Variants in SLC25A18 observed in about 807,000 individuals in gnomAD.
The protein encoded by SLC25A18 is solute carrier family 25 member 18.
SLC25A18 carries 24 observed loss-of-function variants against 31.1 expected under a neutral mutation model. The observed-to-expected ratio is 0.77, with a 90% CI of 0.56 to 1.08. SLC25A18 has a LOEUF of 1.08. SLC25A18 is among the 50% of genes least tolerant of loss of function. The pLI is 0.00. For synonymous variants in SLC25A18, 173 were observed against 161.9 expected, an observed-to-expected ratio of 1.07 and a Z score of -0.52; for missense variants, 371 against 418.5, an observed-to-expected ratio of 0.89 and a Z score of 0.99.
intron 2 of SLC25A18, among the ~76,000 whole-genome samples, chr22:17,574,580 C>T (rs913175807): frequency 4.2e-5 from 6 of 142,224 alleles, no homozygotes; most frequent in African/African-American, 8.2e-5. Context: ...GCAATGGCGT[C>T]GTTTCGGCTC....
Position 17,581,063 on chromosome 22 carries a change from G to A in SLC25A18, c.47G>A (p.Gly16Asp). 2.6e-6 allele frequency: 4 copies of A among 1,556,094 alleles called. No individual in the cohort carries two copies. The highest frequency in any genetic ancestry group is 2.0e-5 in the Admixed American group (1 of 51,112). Residue 16 changes from glycine to aspartate, a missense_variant, in exon 4 of 11, where the codon GGT (glycine) becomes GAT (aspartate). Coordinates refer to ENST00000327451, the MANE Select transcript of SLC25A18 (RefSeq NM_031481.3). Reference sequence around the variant, plus strand: ...ATCACAGCCAAACTCATCAATGGAGGTGTAGCAGGGCTCGTGGGGGTGACC... The same window carrying A: ...ATCACAGCCAAACTCATCAATGGAGATGTAGCAGGGCTCGTGGGGGTGACC... ...LSITAKLING[G>D]VAGLVGVTCV...
rs377051118 is a variant in SLC25A18 at position 17,581,017 on chromosome 22, C to T, written c.21-20C>T. The T allele has an allele frequency of 2.6e-6, 4 of 1,535,964 alleles. No individual in the cohort carries two copies. Among genetic ancestry groups the T allele is most frequent in the African/African-American group, 2.7e-5 (2 of 72,916 alleles). ...CCCTCCCTCTGCCTCTCTCCTCCCC[C>T]TGTCCTCCCCCTGTCCTAGCATCAC... is the stretch of plus-strand genomic sequence containing the variant. On this transcript the variant is annotated intron_variant, in intron 3 of 10. Transcript: ENST00000327451.
chr22:17,583,306 G>C (rs2057431545), intron 6 of SLC25A18, 110 bp from the exon 7 acceptor site: 3 of 1,390,424 alleles, frequency 2.2e-6, no homozygotes, highest in Non-Finnish European at 2.0e-6. Context: ...AGCTGGGTGA[G>C]TGGCAGCCAC....
At chr22:17,569,797 GTGCAGTGTGCGGTGAGAGTCTGGAACCC>G in intron 1 of SLC25A18, 99 bp from the exon 2 acceptor site, 4 of 985,448 alleles carry the variant, frequency 4.1e-6, no homozygotes, top group Non-Finnish European at 4.8e-6. Flanking sequence ...CTATTTGAAG[GTGCAGTGTGCGGTGAGAGTCTGGAACCC>G]TGCAGTGGTG....
At chr22:17,587,740 G>A (rs1418320164) in intron 8 of SLC25A18, 185 bp from the exon 9 acceptor site, 5 of 678,676 alleles carry the variant, frequency 7.4e-6, no homozygotes, top group Non-Finnish European at 1.2e-5. Flanking sequence ...CGGCGGAACA[G>A]ATGGCAACAG....
chr22:17,567,172 T>C (rs576134060), intron 1 of SLC25A18, among the ~76,000 whole-genome samples: 5 of 152,262 alleles, frequency 3.3e-5, no homozygotes, highest in African/African-American at 1.2e-4. Flanking sequence ...AAAAATAATG[T>C]ATATTTTACA....
At chr22:17,581,467 C>G (rs2057372214) in intron 5 of SLC25A18, 54 bp downstream of exon 5, 1 of 1,591,616 alleles carries the variant, frequency 6.3e-7, no homozygotes, top group Admixed American at 1.7e-5. Flanking sequence ...GCGTATGGGA[C>G]ATGGGGAACT....
At chr22:17,578,001 G>T (rs2057277886) in intron 2 of SLC25A18, among the ~76,000 whole-genome samples, 1 of 146,510 alleles carries the variant, frequency 6.8e-6, no homozygotes, top group African/African-American at 2.5e-5. Flanking sequence ...TCTTCTTTGG[G>T]GGGCATAGGG....
chr22:17,590,346 C>A lies in SLC25A18; in HGVS notation c.*110C>A. On this transcript the variant is annotated 3_prime_UTR_variant, in exon 11 of 11. Transcript: ENST00000327451. ...CCACTCTGGCCTGCCTGGTCCTCTG[C>A]GTTGTAGTGCTACCTCAATCTCGGG... The A allele has an allele frequency of 7.7e-7, 1 of 1,303,034 alleles. No homozygotes were observed. Among genetic ancestry groups the A allele is most frequent in the South Asian group, 1.4e-5 (1 of 73,754 alleles). The allele number at this position is 1,303,034 out of a possible 1,614,324, so 80.7% of individuals were successfully genotyped here.
Position 17,563,632 on chromosome 22 carries a change from G to T in SLC25A18, c.-345G>T. On this transcript the variant is annotated 5_prime_UTR_variant, in exon 1 of 11. Coordinates refer to ENST00000327451, the MANE Select transcript of SLC25A18 (RefSeq NM_031481.3). ...GCTTTGAGAAGGAACTGAGTAGGCAGTGAGAAGAGTCGAGTGAAGCCTGGC... is the reference window on the plus strand; with the variant it reads ...GCTTTGAGAAGGAACTGAGTAGGCATTGAGAAGAGTCGAGTGAAGCCTGGC... 1 of 982,890 alleles carries T rather than the reference G, an allele frequency of 1.0e-6. No homozygotes were observed. The highest frequency in any genetic ancestry group is 1.2e-6 in the Non-Finnish European group (1 of 827,628). 60.9% of individuals were successfully genotyped at this position (982,890 alleles called of 1,614,324 possible).
In SLC25A18 at chr22:17,579,978, G is replaced by C; in HGVS notation, c.20+14G>C. The stretch of plus-strand genomic sequence containing the variant: ...CCAGGATCTGAGGTGAGCTCGGCTG[G>C]GGCAGCCTGAGGCCCTGGGCCCTGG... On this transcript the variant is annotated intron_variant, in intron 3 of 10. Transcript: ENST00000327451. The C allele has an allele frequency of 6.2e-7, 1 of 1,608,940 alleles. No individual in the cohort carries two copies. Among genetic ancestry groups the C allele is most frequent in the Non-Finnish European group, 8.5e-7 (1 of 1,178,232 alleles).
At chr22:17,570,824 A>G (rs970167446) in intron 2 of SLC25A18, among the ~76,000 whole-genome samples, 1 of 152,162 alleles carries the variant, frequency 6.6e-6, no homozygotes, top group Non-Finnish European at 1.5e-5. Context: ...GGTAATTTTC[A>G]TGGGGAAGCA....
chr22:17,581,693 G>A (rs1035055996), intron 5 of SLC25A18: 2 of 470,662 alleles, frequency 4.2e-6, no homozygotes, highest in Non-Finnish European at 7.6e-6. Flanking sequence ...CGAAGAGAGA[G>A]AGGCTGAAAG....
chr22:17,569,101 T>C (rs1013660831), intron 1 of SLC25A18, among the ~76,000 whole-genome samples: 20 of 147,552 alleles, frequency 1.4e-4, no homozygotes, highest in African/African-American at 2.7e-4. Context: ...CTCCGCCTCC[T>C]GGGTTCACGC....
Position 17,580,440 on chromosome 22 carries a change from T to C in SLC25A18, c.20+476T>C, listed in dbSNP as rs994519835. 9.2e-6 allele frequency: 7 copies of C among 764,592 alleles called. No individual in the cohort carries two copies. In the African/African-American group the frequency reaches 1.3e-4, roughly 14 times the overall value. 47.4% of individuals were successfully genotyped at this position (764,592 alleles called of 1,614,324 possible). ...CCCAGCAGGGTGGGGGGCCATGTTA[T>C]CTAAACTGTGGCTTTACTTTTGGCT... On this transcript the variant is annotated intron_variant, in intron 3 of 10. Transcript: ENST00000327451.
chr22:17,582,586 G>C lies in SLC25A18; in HGVS notation c.223G>C (p.Val75Leu), dbSNP rs1404451582. 1 of 1,602,056 alleles carries C rather than the reference G, an allele frequency of 6.2e-7. No individual in the cohort carries two copies. The highest frequency in any genetic ancestry group is 8.5e-7 in the Non-Finnish European group (1 of 1,173,646). Residue 75 changes from valine to leucine, a missense_variant, in exon 6 of 11, where the codon GTC (valine) becomes CTC (leucine). Physicochemically the swap from Val to Leu is conservative, Grantham distance 32. Coordinates refer to ENST00000327451, the MANE Select transcript of SLC25A18 (RefSeq NM_031481.3). ...YRGAAVNLTL[V>L]TPEKAIKLAA... ...AGGGGCTGCAGTGAACCTCACTCTGGTCACTCCAGAGAAGGCCATCAAGCT... is the reference window on the plus strand; with the variant it reads ...AGGGGCTGCAGTGAACCTCACTCTGCTCACTCCAGAGAAGGCCATCAAGCT...
chr22:17,567,826 G>A (rs571790101), intron 1 of SLC25A18, among the ~76,000 whole-genome samples: 6 of 151,122 alleles, frequency 4.0e-5, no homozygotes, highest in East Asian at 3.9e-4. Context: ...CCTTGGTGCC[G>A]TAAAGAAATA....
Position 17,579,905 on chromosome 22 carries a change from G to T in SLC25A18, c.-40G>T. ...GCCCCAACAGCGGCTACCCCAAGGAGCCAGCAGCCTTGTGTCCTGGGATCC... is the reference window on the plus strand; with the variant it reads ...GCCCCAACAGCGGCTACCCCAAGGATCCAGCAGCCTTGTGTCCTGGGATCC... On this transcript the variant is annotated 5_prime_UTR_variant, in exon 3 of 11. Transcript: ENST00000327451. The T allele has an allele frequency of 1.2e-6, 2 of 1,603,052 alleles. No individual in the cohort carries two copies. Among genetic ancestry groups the T allele is most frequent in the Non-Finnish European group, 8.5e-7 (1 of 1,175,498 alleles).
At chr22:17,573,040 G>C (rs544482179) in intron 2 of SLC25A18, among the ~76,000 whole-genome samples, 1 of 152,124 alleles carries the variant, frequency 6.6e-6, no homozygotes, top group Non-Finnish European at 1.5e-5. Flanking sequence ...TTGAGTCAAG[G>C]AAGTTGAGGC....
Sources: gnomAD v4.1 joint callset for allele counts (sites outside exome capture counted in the v4.1 genomes callset) on GRCh38, gnomAD v4.1.1 for gene constraint, MANE v1.5 for transcripts, NCBI Gene and HGNC (gene_info 2026-07-23, HGNC 2026-07-21) for gene names.